CDC25B: variants seen among roughly 807,000 people sequenced by gnomAD.
CDC25B encodes the protein cell division cycle 25B.
A neutral mutation model predicts 69.8 loss-of-function variants in CDC25B; 33 were observed. The ratio of observed to expected loss-of-function variants is 0.47; its 90% CI spans 0.36 to 0.63. CDC25B has a LOEUF of 0.63. Among genes scored for constraint, CDC25B ranks in the 30% least tolerant of loss-of-function variants. The pLI is 0.00. For synonymous variants in CDC25B, 341 were observed against 314.6 expected, an observed-to-expected ratio of 1.08 and a Z score of -0.89; for missense variants, 727 against 809.1, an observed-to-expected ratio of 0.90 and a Z score of 1.23.
rs373299687 is a variant in CDC25B, at chr20:3,798,470, A to G, written c.380+7A>G. 8.2e-6 allele frequency: 13 copies of G among 1,592,126 alleles called. No individual in the cohort carries two copies. In the African/African-American group the frequency reaches 1.1e-4, roughly 13 times the overall value. On this transcript the variant is annotated splice_region_variant and intron_variant, in intron 3 of 15. Coordinates refer to ENST00000245960, the MANE Select transcript of CDC25B (RefSeq NM_021873.4). ...CCCACATGGCGGAGCAGACGTGAGT[A>G]GAGAAGGGAATGTGTACTTCCAAGC...
chr20:3,789,453 C>A (rs979130988), intron 1 of CDC25B, among the ~76,000 whole-genome samples: 3 of 152,046 alleles, frequency 2.0e-5, no homozygotes, highest in African/African-American at 7.2e-5. Context: ...TCACTGCAAC[C>A]TCCTCCTCCC....
chr20:3,797,857 C>G, intron 2 of CDC25B, 108 bp downstream of exon 2: 7 of 1,358,482 alleles, frequency 5.2e-6, no homozygotes, highest in Non-Finnish European at 7.2e-6. Context: ...CTCCCCACAA[C>G]CTGGTGGGCC....
Position 3,800,830 on chromosome 20 carries a change from G to C in CDC25B, c.547G>C (p.Gly183Arg). ...DGRRKSEAGSGAASSSGEDKE... is the reference protein window; with the variant it reads ...DGRRKSEAGSRAASSSGEDKE... ...CCGGAGGAAGAGCGAGGCGGGCAGT[G>C]GAGCTGCCAGCAGCTCTGGGGAAGA... The change falls in exon 6 of 16, where the codon GGA (glycine) becomes CGA (arginine). Residue 183 changes from glycine (G) to arginine (R), a missense_variant. Physicochemically the swap from Gly to Arg is moderately radical, Grantham distance 125. This residue lies in a region of CDC25B where 368 missense variants were observed against 345.6 expected (regional missense o/e 1.06). Transcript: ENST00000245960. The C allele has an allele frequency of 6.2e-7, 1 of 1,613,610 alleles. No homozygotes were observed. Among genetic ancestry groups the C allele is most frequent in the Non-Finnish European group, 8.5e-7 (1 of 1,180,028 alleles).
upstream of CDC25B, among the ~76,000 whole-genome samples, chr20:3,792,683 G>C (rs957259507): frequency 6.6e-6 from 1 of 152,100 alleles, no homozygotes; most frequent in Non-Finnish European, 1.5e-5. Flanking sequence ...GGCCAGGCTG[G>C]TCTCAAACTC....
Position 3,805,996 on chromosome 20 carries a change from C to G in CDC25B, c.*1035C>G, listed in dbSNP as rs1180138749. 3 of 399,366 alleles carry G rather than the reference C, an allele frequency of 7.5e-6. No individual in the cohort carries two copies. The highest frequency in any genetic ancestry group is 4.4e-5 in the Admixed American group (1 of 22,710). The allele number at this position is 399,366 out of a possible 1,614,324, so 24.7% of individuals were successfully genotyped here. On this transcript the variant is annotated 3_prime_UTR_variant, in exon 16 of 16. Coordinates refer to ENST00000245960, the MANE Select transcript of CDC25B (RefSeq NM_021873.4). ...AGGAAATGTCACAGAAGCAGCTAAACCAAGGACTGAGCACCCTCTGGATTC... is the reference window on the plus strand; with the variant it reads ...AGGAAATGTCACAGAAGCAGCTAAAGCAAGGACTGAGCACCCTCTGGATTC...
rs1222243171 is a variant in CDC25B, at chr20:3,796,711, C to T, written c.180C>T (p.His60=). ...SPVTTLTQTM[H]DLAGLGSETP... ...TCACCACCCTCACCCAGACCATGCA[C>T]GACCTCGCCGGGCTCGGCAGGTAGG... The change falls in exon 1 of 16, where the codon CAC becomes CAT. Residue 60 remains histidine (H), a synonymous_variant. Transcript: ENST00000245960. The T allele has an allele frequency of 5.7e-6, 9 of 1,568,782 alleles. No homozygotes were observed. In the South Asian group the frequency reaches 8.0e-5, roughly 14 times the overall value.
At chr20:3,793,476 C>A (rs1269565481), upstream of CDC25B, among the ~76,000 whole-genome samples, 2 of 151,812 alleles carry the variant, frequency 1.3e-5, no homozygotes, top group Non-Finnish European at 2.9e-5. Context: ...AACAAAAAAA[C>A]CCAGAACCCC....
Position 3,797,665 on chromosome 20 carries a change from C to T in CDC25B, c.244C>T (p.Arg82Cys), listed in dbSNP as rs778990892. Residue 82 changes from arginine (R) to cysteine (C), a missense_variant, in exon 2 of 16, where the codon CGC becomes TGC. This residue lies in a region of CDC25B where 368 missense variants were observed against 345.6 expected (regional missense o/e 1.06). Transcript: ENST00000245960. Reference protein sequence around the residue: ...SQVGTLLFRSRSRLTHLSLSR... With the variant: ...SQVGTLLFRSCSRLTHLSLSR... ...GGTAGGGACCCTGCTCTTCCGCAGC[C>T]GCAGCCGCCTGACGCACCTATCCCT... is the stretch of plus-strand genomic sequence containing the variant. 2.7e-5 allele frequency: 44 copies of T among 1,614,040 alleles called. No homozygotes were observed. Among genetic ancestry groups the T allele is most frequent in the African/African-American group, 5.3e-5 (4 of 74,922 alleles).
chr20:3,797,864 GGCCCA>G, intron 2 of CDC25B, 115 bp downstream of exon 2: 11 of 1,320,852 alleles, frequency 8.3e-6, no homozygotes, highest in Non-Finnish European at 1.2e-5. Flanking sequence ...CAACCTGGTG[GGCCCA>G]GGAGCCTCTC....
Position 3,803,088 on chromosome 20 carries a change from A to G in CDC25B, c.1258-20A>G, listed in dbSNP as rs1025909909. The G allele has an allele frequency of 3.7e-6, 6 of 1,609,304 alleles. No homozygotes were observed. Among genetic ancestry groups the G allele is most frequent in the Non-Finnish European group, 5.1e-6 (6 of 1,175,928 alleles). On this transcript the variant is annotated intron_variant, in intron 12 of 15. Coordinates refer to ENST00000245960, the MANE Select transcript of CDC25B (RefSeq NM_021873.4). This position sits in a 1 kb window ranked among gnomAD's most constrained non-coding sequence, Gnocchi z 4.9. ...CTGCCAGCCTGACCTGCCGGAACCAACCCCCATGACCTCCTACAGATGGTG... is the reference window on the plus strand; with the variant it reads ...CTGCCAGCCTGACCTGCCGGAACCAGCCCCCATGACCTCCTACAGATGGTG...
At chr20:3,801,204 G>A in intron 7 of CDC25B, 50 bp from the exon 8 acceptor site, 1 of 1,604,928 alleles carries the variant, frequency 6.2e-7, no homozygotes, top group Non-Finnish European at 8.5e-7. Context: ...GAGGATGGGG[G>A]CGGGAACTAT....
In CDC25B at chr20:3,800,183, G is replaced by T. The variant is rs1303495291; in HGVS notation, c.381-105G>T. The stretch of plus-strand genomic sequence containing the variant: ...ACCCCTTCCACTGCCTTGAGCCTTG[G>T]CCCTTGTCTTTGCCCTTACTCCCCC... On this transcript the variant is annotated intron_variant, in intron 3 of 15. Transcript: ENST00000245960. 1.9e-5 allele frequency: 12 copies of T among 617,224 alleles called. No individual in the cohort carries two copies. In the African/African-American group the frequency reaches 3.5e-4, roughly 18 times the overall value. 38.2% of individuals were successfully genotyped at this position (617,224 alleles called of 1,614,324 possible). A position where few individuals can be genotyped will look rare whatever the true frequency, so the allele number is the denominator to read the frequency against.
At chr20:3,798,315 GTTTTTT>G (rs58192077) in intron 2 of CDC25B, 91 bp from the exon 3 acceptor site, 9,858 of 370,366 alleles carry the variant, frequency 0.027, 3 homozygotes, top group East Asian at 0.058. Context: ...ACTAGAAACT[GTTTTTT>G]TTTTTTTTTT....
Position 3,801,058 on chromosome 20 carries a change from T to C in CDC25B, c.670T>C (p.Phe224Leu), listed in dbSNP as rs200968688. The C allele has an allele frequency of 6.2e-7, 1 of 1,613,972 alleles. No individual in the cohort carries two copies. Among genetic ancestry groups the C allele is most frequent in the Non-Finnish European group, 8.5e-7 (1 of 1,179,912 alleles). ...LAEWASRREAFAQRPSSAPDL... is the reference protein window; with the variant it reads ...LAEWASRREALAQRPSSAPDL... Reference sequence around the variant, plus strand: ...AGAGTGGGCCAGCCGCAGGGAAGCCTTTGCCCAGAGACCCAGCTCGGCCCC... The same window carrying C: ...AGAGTGGGCCAGCCGCAGGGAAGCCCTTGCCCAGAGACCCAGCTCGGCCCC... The change falls in exon 7 of 16, where the codon TTT (phenylalanine) becomes CTT (leucine). Residue 224 changes from phenylalanine (F) to leucine (L), a missense_variant. Coordinates refer to ENST00000245960, the MANE Select transcript of CDC25B (RefSeq NM_021873.4).
chr20:3,799,399 C>CG (rs997392785), intron 3 of CDC25B, among the ~76,000 whole-genome samples: 5 of 152,162 alleles, frequency 3.3e-5, no homozygotes, highest in African/African-American at 9.6e-5. Flanking sequence ...AGCAGCCCCC[C>CG]GGGGGGGCAT....
intron 1 of CDC25B, 58 bp from the exon 2 acceptor site, chr20:3,797,564 C>G: frequency 6.2e-7 from 1 of 1,600,040 alleles, no homozygotes; most frequent in Non-Finnish European, 8.5e-7. Context: ...GTGGGCTAGC[C>G]AGGCCTTGAG....
Position 3,803,293 on chromosome 20 carries a change from G to T in CDC25B, c.1356+87G>T. 6.3e-7 allele frequency: 1 copy of T among 1,575,274 alleles called. No individual in the cohort carries two copies. ...CAAGAGGGTGAATGGGTGGAGGACGGGTGCCCCCTCTCATGGGGAGGGTTC... is the reference window on the plus strand; with the variant it reads ...CAAGAGGGTGAATGGGTGGAGGACGTGTGCCCCCTCTCATGGGGAGGGTTC... On this transcript the variant is annotated intron_variant, in intron 13 of 15. Transcript: ENST00000245960. This position sits in a 1 kb window ranked among gnomAD's most constrained non-coding sequence, Gnocchi z 4.9.
chr20:3,804,562 G>A lies in CDC25B; in HGVS notation c.1491-7G>A, dbSNP rs189160776. The A allele has an allele frequency of 1.4e-5, 22 of 1,598,512 alleles. No individual in the cohort carries two copies. The highest frequency in any genetic ancestry group is 1.7e-4 in the Middle Eastern group (1 of 6,030). Reference sequence around the variant, plus strand: ...ACTCTGACCACACCCTGCCCATGACGCCCCAGGTGCCGTTTCATCAGGGAA... The same window carrying A: ...ACTCTGACCACACCCTGCCCATGACACCCCAGGTGCCGTTTCATCAGGGAA... On this transcript the variant is annotated splice_region_variant and splice_polypyrimidine_tract_variant and intron_variant, in intron 14 of 15. Coordinates refer to ENST00000245960, the MANE Select transcript of CDC25B (RefSeq NM_021873.4).
At chr20:3,789,150 T>G (rs1246399927) in intron 1 of CDC25B, among the ~76,000 whole-genome samples, 1 of 152,238 alleles carries the variant, frequency 6.6e-6, no homozygotes, top group Admixed American at 6.5e-5. Context: ...CTTTTAGGAC[T>G]GTTTGGGAAA....
Sources: allele counts gnomAD v4.1 joint callset (sites outside exome capture counted in the v4.1 genomes callset), GRCh38; gene constraint gnomAD v4.1.1; regional missense constraint gnomAD v4.1.1; non-coding constraint Gnocchi (gnomAD v3.1); transcripts MANE v1.5; gene names NCBI Gene and HGNC (gene_info 2026-07-23, HGNC 2026-07-21).